The following PDE1A variants were observed in gnomAD, a reference collection of about 807,000 sequenced individuals.
The protein encoded by PDE1A is dual specificity calcium/calmodulin-dependent 3',5'-cyclic nucleotide phosphodiesterase 1A.
PDE1A carries 35 observed loss-of-function variants against 61.7 expected under a neutral mutation model. That is an observed-to-expected ratio of 0.57 (90% confidence interval 0.43 to 0.75). The LOEUF is 0.75. Among genes scored for constraint, PDE1A ranks in the 30% least tolerant of loss-of-function variants. The pLI, the probability that PDE1A is intolerant of heterozygous loss-of-function variation, is 0.00. For synonymous variants in PDE1A, 232 were observed against 213.2 expected, an observed-to-expected ratio of 1.09 and a Z score of -0.77; for missense variants, 597 against 630.6, an observed-to-expected ratio of 0.95 and a Z score of 0.57.
intron 7 of PDE1A, among the ~76,000 whole-genome samples, chr2:182,211,263 T>C (rs1459112922): frequency 6.6e-6 from 1 of 152,242 alleles, no homozygotes; most frequent in Non-Finnish European, 1.5e-5. Context: ...CACCATTTAT[T>C]GAAAAGATTA....
chr2:182,549,182 G>A, the PDE1A span, among the ~76,000 whole-genome samples: 11 of 151,576 alleles, frequency 7.3e-5, no homozygotes, highest in Non-Finnish European at 1.6e-4. Flanking sequence ...AAATATTTGA[G>A]ATATATTTGA....
chr2:182,218,669 G>C (rs573752484), intron 7 of PDE1A, among the ~76,000 whole-genome samples: 1 of 151,998 alleles, frequency 6.6e-6, no homozygotes, highest in Admixed American at 6.6e-5. Flanking sequence ...TATCATAAAC[G>C]TGGGTTGGAA....
chr2:182,546,519 G>T, the PDE1A span, among the ~76,000 whole-genome samples: 1 of 152,170 alleles, frequency 6.6e-6, no homozygotes, highest in Non-Finnish European at 1.5e-5. Flanking sequence ...CTGGGGAAGG[G>T]TGATAGCATT....
chr2:182,248,593 G>T (rs978606365), intron 2 of PDE1A, among the ~76,000 whole-genome samples: 2 of 152,178 alleles, frequency 1.3e-5, no homozygotes, highest in African/African-American at 4.8e-5. Context: ...TAAAAAGTTT[G>T]CAGGGAAGGG....
chr2:182,674,857 T>A, the PDE1A span, among the ~76,000 whole-genome samples: 1 of 152,162 alleles, frequency 6.6e-6, no homozygotes, highest in South Asian at 2.1e-4. Flanking sequence ...AGACAACATG[T>A]ATTCAAGCAA....
chr2:182,650,261 A>G, the PDE1A span, among the ~76,000 whole-genome samples: 1 of 152,214 alleles, frequency 6.6e-6, no homozygotes, highest in African/African-American at 2.4e-5. Flanking sequence ...AATCACTGAA[A>G]TGCAGTCTAA....
chr2:182,633,224 A>T, the PDE1A span, among the ~76,000 whole-genome samples: 1 of 152,220 alleles, frequency 6.6e-6, no homozygotes, highest in Non-Finnish European at 1.5e-5. Flanking sequence ...TCAGGTCAAC[A>T]ATATGACAAC....
At chr2:182,143,240 C>T (rs1481253961), downstream of PDE1A, among the ~76,000 whole-genome samples, 8 of 151,970 alleles carry the variant, frequency 5.3e-5, no homozygotes, top group Non-Finnish European at 8.8e-5. Flanking sequence ...TAAATGTTCT[C>T]CCCACAAAAA....
chr2:182,209,738 T>G (rs1231649590), intron 7 of PDE1A, among the ~76,000 whole-genome samples: 1 of 151,972 alleles, frequency 6.6e-6, no homozygotes, highest in Non-Finnish European at 1.5e-5. Context: ...TGTGAAAATA[T>G]GCTTGCTTCC....
At chr2:182,607,209 G>C in the PDE1A span, among the ~76,000 whole-genome samples, 1 of 152,140 alleles carries the variant, frequency 6.6e-6, no homozygotes, top group Non-Finnish European at 1.5e-5. Context: ...TATCTGGGAG[G>C]CCTGATGGTT....
At chr2:182,477,035 C>T (rs1687411645) in intron 2 of PDE1A, among the ~76,000 whole-genome samples, 1 of 151,750 alleles carries the variant, frequency 6.6e-6, no homozygotes, top group Non-Finnish European at 1.5e-5. Context: ...TATTTAAATT[C>T]TGTTAAGAGT....
chr2:182,323,529 C>T (rs1696839273), intron 1 of PDE1A, among the ~76,000 whole-genome samples: 1 of 152,100 alleles, frequency 6.6e-6, no homozygotes, highest in Non-Finnish European at 1.5e-5. Flanking sequence ...CATCTCTACC[C>T]CTGCCCTAAT....
At position 182,305,439 on chromosome 2, in the gene PDE1A, A is replaced by G. The variant is rs191920437; in HGVS notation, c.54-41025T>C. Among the ~76,000 whole-genome samples, 326 of 152,280 alleles carry G rather than the reference A, an allele frequency of 2.1e-3. 7 individuals are homozygous for G. The highest frequency in any genetic ancestry group is 1.4e-3 in the East Asian group (7 of 5,182). On this transcript the variant is annotated intron_variant, in intron 1 of 13. Transcript: ENST00000351439. The stretch of plus-strand genomic sequence containing the variant: ...TGTGTTTCAATAAAACTTTATAAAA[A>G]GAGACTGCTGACCAGATTTAGCTCA...
At chr2:182,649,085 GGT>G in the PDE1A span, among the ~76,000 whole-genome samples, 1 of 152,112 alleles carries the variant, frequency 6.6e-6, no homozygotes. Flanking sequence ...AGGCCCCTCT[GGT>G]GGCCTAGAAT....
the PDE1A span, among the ~76,000 whole-genome samples, chr2:182,556,336 G>A: frequency 1.3e-5 from 2 of 152,208 alleles, no homozygotes; most frequent in African/African-American, 2.4e-5. Context: ...GAGAGAGGAA[G>A]AGAGAGCCAC....
chr2:182,225,579 T>C (rs1011774259), intron 6 of PDE1A, among the ~76,000 whole-genome samples: 12 of 151,964 alleles, frequency 7.9e-5, no homozygotes, highest in Non-Finnish European at 1.8e-4. Context: ...TAAATCTCTG[T>C]TAATCCTCAG....
chr2:182,191,191 T>G (rs567764108), intron 10 of PDE1A, among the ~76,000 whole-genome samples: 2 of 152,240 alleles, frequency 1.3e-5, no homozygotes, highest in East Asian at 3.9e-4. Context: ...TTAGTTTGTC[T>G]GCAGTATGAG....
At chr2:182,426,247 CACA>C (rs1271807100) in intron 1 of PDE1A, among the ~76,000 whole-genome samples, 3 of 152,328 alleles carry the variant, frequency 2.0e-5, no homozygotes, top group East Asian at 3.9e-4. Flanking sequence ...AAGAACTAAG[CACA>C]ACGTTTCCTA....
intron 1 of PDE1A, among the ~76,000 whole-genome samples, chr2:182,354,093 A>T (rs997484498): frequency 6.6e-6 from 1 of 152,158 alleles, no homozygotes; most frequent in Non-Finnish European, 1.5e-5. Flanking sequence ...CACAAAGATG[A>T]CATGGAGTAG....
Sources: allele counts gnomAD v4.1 joint callset (sites outside exome capture counted in the v4.1 genomes callset), GRCh38; gene constraint gnomAD v4.1.1; transcripts MANE v1.5; gene names NCBI Gene and HGNC (gene_info 2026-07-23, HGNC 2026-07-21).